CSTPP1: variants seen among roughly 807,000 people sequenced by gnomAD.
The protein encoded by CSTPP1 is centriolar satellite-associated tubulin polyglutamylase complex regulator 1.
chr11:46,939,329 T>A, the CSTPP1 span, among the ~76,000 whole-genome samples: 4 of 151,934 alleles, frequency 2.6e-5, no homozygotes, highest in African/African-American at 9.7e-5. Context: ...CCTCAGGTGA[T>A]CCACCCACCT....
chr11:47,143,994 A>T, the CSTPP1 span, among the ~76,000 whole-genome samples: 5 of 152,294 alleles, frequency 3.3e-5, no homozygotes, highest in South Asian at 1.0e-3. Context: ...CATTAGAAAG[A>T]TCTACTGTAC....
the CSTPP1 span, among the ~76,000 whole-genome samples, chr11:46,956,355 A>G: frequency 3.3e-5 from 5 of 152,316 alleles, no homozygotes; most frequent in East Asian, 1.9e-4. Context: ...TGCTTTGGCT[A>G]TTTTTCTCTC....
the CSTPP1 span, chr11:47,137,613 A>T: frequency 6.2e-7 from 1 of 1,613,988 alleles, no homozygotes; most frequent in Non-Finnish European, 8.5e-7. Flanking sequence ...AAATGCAGAG[A>T]CCTAATGTGT....
chr11:47,057,559 G>T, the CSTPP1 span, among the ~76,000 whole-genome samples: 1 of 152,164 alleles, frequency 6.6e-6, no homozygotes, highest in Non-Finnish European at 1.5e-5. Flanking sequence ...GGCAGTGGGG[G>T]CTGTGGATTC....
At chr11:47,103,185 C>T in the CSTPP1 span, among the ~76,000 whole-genome samples, 9 of 151,844 alleles carry the variant, frequency 5.9e-5, no homozygotes, top group Non-Finnish European at 1.2e-4. Context: ...ATCGCTTGAG[C>T]CCTGGAGTTC....
the CSTPP1 span, among the ~76,000 whole-genome samples, chr11:47,024,696 G>A: frequency 6.6e-6 from 1 of 152,062 alleles, no homozygotes; most frequent in Non-Finnish European, 1.5e-5. Flanking sequence ...CAAGGAACAG[G>A]TGAACCCCTT....
chr11:47,024,570 T>C, the CSTPP1 span, among the ~76,000 whole-genome samples: 3 of 152,274 alleles, frequency 2.0e-5, no homozygotes, highest in Admixed American at 2.0e-4. Context: ...TGGCACCAAG[T>C]AGAGAATTAG....
At chr11:46,984,256 A>C in the CSTPP1 span, among the ~76,000 whole-genome samples, 6 of 152,210 alleles carry the variant, frequency 3.9e-5, no homozygotes, top group East Asian at 1.2e-3. Flanking sequence ...CTTGGTTCAA[A>C]TCTTGGCTTC....
the CSTPP1 span, among the ~76,000 whole-genome samples, chr11:46,966,607 G>A: frequency 4.0e-5 from 6 of 151,736 alleles, no homozygotes; most frequent in Non-Finnish European, 7.4e-5. Flanking sequence ...AGTAAAAATG[G>A]TGTTTTATAA....
the CSTPP1 span, among the ~76,000 whole-genome samples, chr11:47,129,410 C>A: frequency 2.0e-5 from 3 of 152,206 alleles, no homozygotes; most frequent in African/African-American, 7.2e-5. Context: ...GCCAGAGTAG[C>A]TAGCCCCGTT....
chr11:47,161,506 T>A, the CSTPP1 span: 1 of 1,614,146 alleles, frequency 6.2e-7, no homozygotes. Context: ...TCACAGCCAG[T>A]CCAGAGGCCA....
chr11:47,133,404 T>C, the CSTPP1 span, among the ~76,000 whole-genome samples: 3 of 152,224 alleles, frequency 2.0e-5, no homozygotes, highest in Non-Finnish European at 4.4e-5. Flanking sequence ...ACTCTTCTAA[T>C]TGTGGGGGGA....
At chr11:47,079,611 C>T in the CSTPP1 span, among the ~76,000 whole-genome samples, 4 of 152,162 alleles carry the variant, frequency 2.6e-5, no homozygotes, top group Non-Finnish European at 5.9e-5. Flanking sequence ...ATCCACTCAC[C>T]ATTAAAATAC....
chr11:47,051,690 TC>T, the CSTPP1 span, among the ~76,000 whole-genome samples: 3 of 150,824 alleles, frequency 2.0e-5, no homozygotes, highest in Admixed American at 6.6e-5. Flanking sequence ...ATATCTTTTT[TC>T]TTTTTTTTTT....
At chr11:47,046,447 A>G in the CSTPP1 span, among the ~76,000 whole-genome samples, 1 of 152,040 alleles carries the variant, frequency 6.6e-6, no homozygotes, top group African/African-American at 2.4e-5. Flanking sequence ...CAAAAGATTT[A>G]GTCTATTAGG....
the CSTPP1 span, among the ~76,000 whole-genome samples, chr11:47,038,146 C>T: frequency 1.8e-3 from 109 of 61,320 alleles, 8 homozygotes; most frequent in African/African-American, 4.5e-3. Context: ...CTGGCCCGGG[C>T]GGGGGGCGGA....
chr11:47,141,977 G>T, the CSTPP1 span, among the ~76,000 whole-genome samples: 1 of 150,140 alleles, frequency 6.7e-6, no homozygotes, highest in Non-Finnish European at 1.5e-5. Context: ...AGGTGCAGTG[G>T]CTTACGCCTG....
chr11:46,981,519 A>G, the CSTPP1 span, among the ~76,000 whole-genome samples: 2 of 152,224 alleles, frequency 1.3e-5, no homozygotes, highest in East Asian at 1.9e-4. Context: ...TGATTTACCA[A>G]TTTAAGCTTC....
At chr11:47,076,824 A>C in the CSTPP1 span, among the ~76,000 whole-genome samples, 1 of 151,526 alleles carries the variant, frequency 6.6e-6, no homozygotes, top group Non-Finnish European at 1.5e-5. Context: ...ATGGAGCAAG[A>C]CTCTGTCTCC....
Sources: gnomAD v4.1 joint callset for allele counts (sites outside exome capture counted in the v4.1 genomes callset) on GRCh38, gnomAD v4.1.1 for gene constraint, MANE v1.5 for transcripts, NCBI Gene and HGNC (gene_info 2026-07-23, HGNC 2026-07-21) for gene names.